ROBO2: variants seen among roughly 807,000 people sequenced by gnomAD.
The protein encoded by ROBO2 is roundabout guidance receptor 2.
In ROBO2, 53 loss-of-function variants were observed where a neutral mutation model predicts 160.8. That is an observed-to-expected ratio of 0.33 (90% confidence interval 0.26 to 0.41). The LOEUF (loss-of-function observed/expected upper bound fraction) is 0.41, where lower values mean the gene tolerates loss of function less well. Among genes scored for constraint, ROBO2 ranks in the 10% least tolerant of loss-of-function variants. The probability of loss-of-function intolerance (pLI) is 1.00; values close to 1 mark genes in which losing one functional copy is unlikely to be tolerated. For synonymous variants in ROBO2, 664 were observed against 611.7 expected (o/e 1.09, Z -1.26); for missense variants, 1,577 against 1,722.4 (o/e 0.92, Z 1.49).
chr3:77,025,366 C>T (rs2062900348), intron 2 of ROBO2, among the ~76,000 whole-genome samples: 1 of 152,044 alleles, frequency 6.6e-6, no homozygotes, highest in South Asian at 2.1e-4. Context: ...TAGACTATGT[C>T]CCAAGTGGCA....
intron 2 of ROBO2, among the ~76,000 whole-genome samples, chr3:76,093,683 T>A (rs2069324928): frequency 6.6e-6 from 1 of 151,576 alleles, no homozygotes; most frequent in Non-Finnish European, 1.5e-5. Flanking sequence ...CATATCTAAA[T>A]GGTTTCCTTA....
At chr3:77,148,001 C>T (rs1177254097) in intron 2 of ROBO2, among the ~76,000 whole-genome samples, 3 of 152,206 alleles carry the variant, frequency 2.0e-5, no homozygotes, top group African/African-American at 7.2e-5. Flanking sequence ...TTGAACTTTG[C>T]ACACAGAGAC....
At chr3:76,707,688 A>C (rs2093195905) in intron 2 of ROBO2, among the ~76,000 whole-genome samples, 2 of 149,452 alleles carry the variant, frequency 1.3e-5, no homozygotes, top group Non-Finnish European at 3.0e-5. Context: ...GGTAAGATCC[A>C]CACCAGGCAC....
At chr3:75,984,355 T>G (rs2065355744) in intron 2 of ROBO2, among the ~76,000 whole-genome samples, 1 of 151,516 alleles carries the variant, frequency 6.6e-6, no homozygotes, top group African/African-American at 2.4e-5. Context: ...GTTTTTTAAC[T>G]GTAAAAAACA....
intron 2 of ROBO2, among the ~76,000 whole-genome samples, chr3:76,318,843 G>C (rs1228179656): frequency 6.6e-6 from 1 of 152,016 alleles, no homozygotes; most frequent in East Asian, 1.9e-4. Flanking sequence ...TACTTGAAAA[G>C]GAATTAAAAT....
chr3:76,713,057 C>T (rs890402958), intron 2 of ROBO2, among the ~76,000 whole-genome samples: 1 of 152,134 alleles, frequency 6.6e-6, no homozygotes, highest in African/African-American at 2.4e-5. Flanking sequence ...AGTTAATTGT[C>T]TTTTAAAAAC....
chr3:77,380,697 T>TTCCC (rs2073335470), intron 2 of ROBO2, among the ~76,000 whole-genome samples: 1 of 131,962 alleles, frequency 7.6e-6, no homozygotes, highest in African/African-American at 2.8e-5. Context: ...CCCTCCCTCC[T>TTCCC]TCCCTCCCTT....
At chr3:77,166,948 T>C (rs537968147) in intron 2 of ROBO2, among the ~76,000 whole-genome samples, 1 of 152,324 alleles carries the variant, frequency 6.6e-6, no homozygotes, top group East Asian at 1.9e-4. Flanking sequence ...GTTACAAATG[T>C]CAACTCATTG....
intron 2 of ROBO2, among the ~76,000 whole-genome samples, chr3:76,305,423 A>G (rs1373653287): frequency 5.5e-5 from 6 of 108,844 alleles, no homozygotes; most frequent in South Asian, 6.2e-4. Flanking sequence ...AAAAAAAAAA[A>G]AGAACAGCAT....
At chr3:76,043,620 C>CAAAAA (rs56988287) in intron 2 of ROBO2, among the ~76,000 whole-genome samples, 429 of 38,408 alleles carry the variant, frequency 0.011, 51 homozygotes, top group Middle Eastern at 0.036. Flanking sequence ...CTTCATCGTC[C>CAAAAA]AAAAAAAAAA....
At chr3:76,906,128 A>G (rs952688601) in intron 2 of ROBO2, among the ~76,000 whole-genome samples, 8 of 152,154 alleles carry the variant, frequency 5.3e-5, no homozygotes, top group Non-Finnish European at 1.5e-5. Context: ...TGATTATAAA[A>G]AGCCTTTATA....
At chr3:76,302,681 T>C (rs1709423293) in intron 2 of ROBO2, among the ~76,000 whole-genome samples, 1 of 152,140 alleles carries the variant, frequency 6.6e-6, no homozygotes, top group African/African-American at 2.4e-5. Context: ...CACTAACTGG[T>C]GTACAGATTT....
intron 2 of ROBO2, among the ~76,000 whole-genome samples, chr3:77,261,999 G>T (rs1046766096): frequency 6.6e-6 from 1 of 152,056 alleles, no homozygotes; most frequent in Non-Finnish European, 1.5e-5. Flanking sequence ...TCCTTAAATT[G>T]ATTGATGTAT....
At chr3:77,390,682 T>C (rs2074633322) in intron 2 of ROBO2, among the ~76,000 whole-genome samples, 1 of 152,108 alleles carries the variant, frequency 6.6e-6, no homozygotes, top group South Asian at 2.1e-4. Context: ...GCAACTATGA[T>C]CAAAATGTAA....
At chr3:76,627,308 T>G (rs1315646730) in intron 2 of ROBO2, among the ~76,000 whole-genome samples, 1 of 152,210 alleles carries the variant, frequency 6.6e-6, no homozygotes, top group Non-Finnish European at 1.5e-5. Context: ...AAATCTTCAT[T>G]TGAGCTTTGT....
At chr3:76,697,862 T>C (rs2593873) in intron 2 of ROBO2, among the ~76,000 whole-genome samples, 49,114 of 147,050 alleles carry the variant, frequency 0.33, 8,881 homozygotes, top group East Asian at 0.55. Context: ...TTGAGGGAAC[T>C]GTGATAGTCT....
intron 2 of ROBO2, among the ~76,000 whole-genome samples, chr3:76,453,851 T>G (rs2077606922): frequency 6.6e-6 from 1 of 152,098 alleles, no homozygotes; most frequent in Non-Finnish European, 1.5e-5. Context: ...AGCTCCCCAA[T>G]TAAAGCTTGA....
At chr3:77,232,052 C>T (rs1209827522) in intron 2 of ROBO2, among the ~76,000 whole-genome samples, 1 of 152,168 alleles carries the variant, frequency 6.6e-6, no homozygotes, top group Non-Finnish European at 1.5e-5. Context: ...TTTCTTCTTG[C>T]CGAAATTCCA....
intron 2 of ROBO2, among the ~76,000 whole-genome samples, chr3:76,677,309 G>A (rs553275018): frequency 5.3e-5 from 8 of 152,104 alleles, no homozygotes; most frequent in Admixed American, 1.3e-4. Context: ...AGGGGAAGCC[G>A]CAGAAAACAA....
Sources: allele counts gnomAD v4.1 joint callset (sites outside exome capture counted in the v4.1 genomes callset), GRCh38; gene constraint gnomAD v4.1.1; transcripts MANE v1.5; gene names NCBI Gene and HGNC (gene_info 2026-07-23, HGNC 2026-07-21).